The following VMP1 variants were observed in gnomAD, a reference collection of about 807,000 sequenced individuals.
VMP1 encodes ectopic P-granules autophagy protein 3 homolog.
A neutral mutation model predicts 56.0 loss-of-function variants in VMP1; 11 were observed. The ratio of observed to expected loss-of-function variants is 0.20; its 90% CI spans 0.12 to 0.32. VMP1 has a LOEUF of 0.32. Ranked by LOEUF, VMP1 falls within the 10% of genes least tolerant of loss-of-function variation. VMP1 has a pLI of 1.00. For synonymous variants in VMP1, 149 were observed against 165.0 expected, an observed-to-expected ratio of 0.90 and a Z score of 0.74; for missense variants, 296 against 490.3, an observed-to-expected ratio of 0.60 and a Z score of 3.74.
At chr17:59,772,477 A>G (rs983805189) in intron 6 of VMP1, among the ~76,000 whole-genome samples, 7 of 151,804 alleles carry the variant, frequency 4.6e-5, no homozygotes, top group Non-Finnish European at 2.9e-5. Context: ...TTTAAGAACT[A>G]GCAGAGCTTG....
intron 10 of VMP1, among the ~76,000 whole-genome samples, chr17:59,823,910 A>G (rs1159181528): frequency 1.3e-5 from 2 of 152,242 alleles, no homozygotes; most frequent in Non-Finnish European, 1.5e-5. Flanking sequence ...GCAAGAAAAA[A>G]GCCAGCAGCA....
chr17:59,791,924 T>C (rs975143832), intron 7 of VMP1, among the ~76,000 whole-genome samples: 2 of 152,200 alleles, frequency 1.3e-5, no homozygotes, highest in Non-Finnish European at 2.9e-5. Context: ...AACTGTAGAT[T>C]TGGAACTTAA....
At chr17:59,790,979 TC>T (rs1283344255) in intron 7 of VMP1, among the ~76,000 whole-genome samples, 2 of 152,160 alleles carry the variant, frequency 1.3e-5, no homozygotes, top group Non-Finnish European at 2.9e-5. Context: ...AATTGTTTTT[TC>T]CATGGATCTT....
intron 7 of VMP1, among the ~76,000 whole-genome samples, chr17:59,782,550 G>A (rs1202716089): frequency 6.6e-6 from 1 of 152,110 alleles, no homozygotes; most frequent in African/African-American, 2.4e-5. Context: ...ATAGTAATCA[G>A]TTTAGCAAAG....
At chr17:59,813,688 G>A (rs2038131195) in intron 9 of VMP1, among the ~76,000 whole-genome samples, 1 of 151,716 alleles carries the variant, frequency 6.6e-6, no homozygotes, top group African/African-American at 2.4e-5. Context: ...CTTTAGAGTT[G>A]TTTCTAGAAG....
At chr17:59,770,486 T>C (rs543594472) in intron 6 of VMP1, among the ~76,000 whole-genome samples, 4 of 152,326 alleles carry the variant, frequency 2.6e-5, no homozygotes, top group African/African-American at 9.6e-5. Flanking sequence ...TATATCAGCC[T>C]TGGGGCCTAA....
chr17:59,766,439 G>T (rs2036234382), intron 6 of VMP1, among the ~76,000 whole-genome samples: 1 of 152,084 alleles, frequency 6.6e-6, no homozygotes, highest in Non-Finnish European at 1.5e-5. Context: ...AGGAAGTAGG[G>T]GTTGCAGTGA....
intron 5 of VMP1, among the ~76,000 whole-genome samples, chr17:59,747,413 CTT>C (rs201448260): frequency 1.1e-4 from 15 of 137,112 alleles, no homozygotes; most frequent in Admixed American, 2.2e-4. Flanking sequence ...TTCTTTCTTT[CTT>C]TTTTTTTTTT....
chr17:59,833,658 A>T (rs775852703), intron 10 of VMP1, among the ~76,000 whole-genome samples: 38 of 152,236 alleles, frequency 2.5e-4, no homozygotes, highest in Non-Finnish European at 4.4e-4. Context: ...ATGTGAATAC[A>T]CATCATATGA....
At chr17:59,811,043 C>T (rs1287084095) in intron 8 of VMP1, among the ~76,000 whole-genome samples, 2 of 152,170 alleles carry the variant, frequency 1.3e-5, no homozygotes, top group African/African-American at 4.8e-5. Context: ...TATTTCCACA[C>T]TTGATCTTCT....
intron 6 of VMP1, among the ~76,000 whole-genome samples, chr17:59,767,428 A>G (rs1221827743): frequency 6.6e-6 from 1 of 152,218 alleles, no homozygotes; most frequent in Non-Finnish European, 1.5e-5. Flanking sequence ...CAAATTTATT[A>G]TACTAGTTGC....
At chr17:59,816,844 G>T (rs1598435438) in intron 9 of VMP1, among the ~76,000 whole-genome samples, 1 of 151,860 alleles carries the variant, frequency 6.6e-6, no homozygotes. Context: ...TACTTGAGAG[G>T]CTGAGGTAGG....
At chr17:59,794,597 A>G (rs547383855) in intron 7 of VMP1, among the ~76,000 whole-genome samples, 4 of 134,402 alleles carry the variant, frequency 3.0e-5, no homozygotes, top group African/African-American at 8.6e-5. Context: ...AGGAAGCTGC[A>G]GATACTGGCC....
chr17:59,808,111 A>T (rs2037914382), intron 7 of VMP1, among the ~76,000 whole-genome samples: 1 of 152,206 alleles, frequency 6.6e-6, no homozygotes. Flanking sequence ...TAACAGAGTG[A>T]AGTAAAAAGC....
intron 5 of VMP1, among the ~76,000 whole-genome samples, chr17:59,748,952 C>T (rs1009506681): frequency 4.7e-5 from 7 of 149,052 alleles, no homozygotes; most frequent in Admixed American, 1.3e-4. Flanking sequence ...CAGGCTGCCT[C>T]ATGCCTGTGA....
intron 5 of VMP1, among the ~76,000 whole-genome samples, chr17:59,761,060 G>A (rs1408115152): frequency 3.3e-5 from 5 of 151,706 alleles, no homozygotes; most frequent in Non-Finnish European, 7.4e-5. Flanking sequence ...TTGCCACCAT[G>A]CCCGGCTAAT....
intron 7 of VMP1, among the ~76,000 whole-genome samples, chr17:59,787,035 A>T (rs2037029484): frequency 6.6e-6 from 1 of 152,232 alleles, no homozygotes; most frequent in Non-Finnish European, 1.5e-5. Flanking sequence ...CAGTTGGCTC[A>T]TGATTTTATC....
At chr17:59,757,955 C>A (rs886412587) in intron 5 of VMP1, among the ~76,000 whole-genome samples, 1 of 144,332 alleles carries the variant, frequency 6.9e-6, no homozygotes, top group Admixed American at 7.3e-5. Flanking sequence ...CAGGCTCAAG[C>A]AATCCTTCCA....
chr17:59,788,933 A>G lies in VMP1; in HGVS notation c.714+15048A>G, dbSNP rs201922717. 7.3e-5 allele frequency among the ~76,000 whole-genome samples: 11 copies of G among 151,252 alleles called. No homozygotes were observed. In the East Asian group the frequency reaches 1.9e-3, roughly 27 times the overall value. On this transcript the variant is annotated intron_variant, in intron 7 of 11. Coordinates refer to ENST00000262291, the MANE Select transcript of VMP1 (RefSeq NM_030938.5). ...GTAAGCATTAGGTTACCTTTGTTAA[A>G]CTAAAGTCTTTTTTTTTTTTTCAGG...
Sources: allele counts gnomAD v4.1 joint callset (sites outside exome capture counted in the v4.1 genomes callset), GRCh38; gene constraint gnomAD v4.1.1; transcripts MANE v1.5; gene names NCBI Gene and HGNC (gene_info 2026-07-23, HGNC 2026-07-21).